CRADD: variants seen among roughly 807,000 people sequenced by gnomAD.
CRADD encodes the protein death domain-containing protein CRADD.
A neutral mutation model predicts 15.5 loss-of-function variants in CRADD; 9 were observed. The observed-to-expected ratio is 0.58, with a 90% CI of 0.35 to 1.01. CRADD has a LOEUF of 1.01. CRADD is among the 50% of genes least tolerant of loss of function. The probability of loss-of-function intolerance (pLI) is 0.02; values close to 1 mark genes in which losing one functional copy is unlikely to be tolerated. For missense variants in CRADD, 227 were observed against 250.3 expected, an observed-to-expected ratio of 0.91 and a Z score of 0.63; for synonymous variants, 118 against 107.6, an observed-to-expected ratio of 1.10 and a Z score of -0.60.
intron 2 of CRADD, chr12:93,846,586 A>ACACACACACACGCG (rs1209152757): frequency 7.4e-6 from 1 of 135,252 alleles, no homozygotes; most frequent in Admixed American, 7.2e-5. Context: ...ACCAGAACAC[A>ACACACACACACGCG]CACACACACA....
intron 2 of CRADD, among the ~76,000 whole-genome samples, chr12:93,825,846 G>A (rs1294074743): frequency 2.0e-5 from 3 of 152,174 alleles, no homozygotes; most frequent in Non-Finnish European, 4.4e-5. Context: ...CAGGCATATC[G>A]GCAACATGGC....
chr12:93,827,235 C>T (rs1004002484), intron 2 of CRADD, among the ~76,000 whole-genome samples: 3 of 152,180 alleles, frequency 2.0e-5, no homozygotes, highest in Non-Finnish European at 2.9e-5. Flanking sequence ...CCCATCACCC[C>T]CATCTCCAGG....
At chr12:93,726,800 C>T (rs1243124676) in intron 2 of CRADD, among the ~76,000 whole-genome samples, 1 of 151,938 alleles carries the variant, frequency 6.6e-6, no homozygotes, top group Non-Finnish European at 1.5e-5. Context: ...GACGGATATA[C>T]AAGATGGTGT....
chr12:93,785,881 G>A (rs143946314), intron 2 of CRADD, among the ~76,000 whole-genome samples: 6 of 152,302 alleles, frequency 3.9e-5, no homozygotes, highest in Non-Finnish European at 8.8e-5. Context: ...CCATAAAGTC[G>A]TGTACTTGAT....
At chr12:93,799,088 G>A (rs1406211960) in intron 2 of CRADD, among the ~76,000 whole-genome samples, 1 of 152,056 alleles carries the variant, frequency 6.6e-6, no homozygotes, top group Non-Finnish European at 1.5e-5. Flanking sequence ...GGTAACTTTG[G>A]TTTCCTTATA....
chr12:93,742,008 A>G (rs1956676408), intron 2 of CRADD, among the ~76,000 whole-genome samples: 1 of 152,064 alleles, frequency 6.6e-6, no homozygotes, highest in Admixed American at 6.5e-5. Context: ...AAAGTTCTCG[A>G]CTGTAATGCA....
At chr12:93,875,362 G>A (rs7306328) in intron 2 of CRADD, among the ~76,000 whole-genome samples, 89,991 of 151,562 alleles carry the variant, frequency 0.59, 26,816 homozygotes, top group East Asian at 0.64. Context: ...CATCCAGTCT[G>A]TGTCTTTTGA....
intron 2 of CRADD, among the ~76,000 whole-genome samples, chr12:93,802,399 G>A (rs1957485777): frequency 6.6e-6 from 1 of 152,262 alleles, no homozygotes; most frequent in Admixed American, 6.5e-5. Context: ...TTTTAAATCA[G>A]GGCTCTCTGA....
downstream of CRADD, among the ~76,000 whole-genome samples, chr12:93,851,124 G>T (rs1236744689): frequency 6.6e-6 from 1 of 152,196 alleles, no homozygotes; most frequent in Admixed American, 6.5e-5. Flanking sequence ...GTATGATTTA[G>T]TCTTCTGTCC....
At chr12:93,882,914 A>G (rs1401262884) in intron 2 of CRADD, among the ~76,000 whole-genome samples, 1 of 151,792 alleles carries the variant, frequency 6.6e-6, no homozygotes, top group Non-Finnish European at 1.5e-5. Flanking sequence ...TTTCCTTTCC[A>G]TTCTGTGATT....
chr12:93,857,318 A>G (rs1165250710), intron 2 of CRADD, among the ~76,000 whole-genome samples: 3 of 152,208 alleles, frequency 2.0e-5, no homozygotes, highest in Admixed American at 6.5e-5. Flanking sequence ...CTGGTGACGT[A>G]TAACCTCCTA....
intron 2 of CRADD, among the ~76,000 whole-genome samples, chr12:93,848,107 A>G (rs894970861): frequency 6.6e-6 from 1 of 151,836 alleles, no homozygotes; most frequent in Non-Finnish European, 1.5e-5. Flanking sequence ...ATAGCGGGAT[A>G]TTGGATGATT....
intron 2 of CRADD, among the ~76,000 whole-genome samples, chr12:93,703,672 A>G (rs902507214): frequency 1.1e-4 from 17 of 151,810 alleles, no homozygotes; most frequent in African/African-American, 3.6e-4. Flanking sequence ...TCTTTTTTTA[A>G]AAAATAATTT....
intron 2 of CRADD, among the ~76,000 whole-genome samples, chr12:93,858,409 G>A (rs1039690891): frequency 6.6e-6 from 1 of 152,220 alleles, no homozygotes; most frequent in Admixed American, 6.5e-5. Flanking sequence ...CAATTAGCCA[G>A]TTCCTACAAC....
chr12:93,894,133 T>C lies in CRADD; in HGVS notation c.*16T>C, dbSNP rs12825682. ...GAGATTCTGAACTGGCATCTTCCTCTCTCTGCCATCACCCCAGACCCTACC... is the reference window on the plus strand; with the variant it reads ...GAGATTCTGAACTGGCATCTTCCTCCCTCTGCCATCACCCCAGACCCTACC... On this transcript the variant is annotated 3_prime_UTR_variant, in exon 3 of 3. Coordinates refer to the CRADD transcript ENST00000548483. 4.3e-6 allele frequency: 3 copies of C among 702,482 alleles called. No homozygotes were observed. The South Asian group carries it at 4.4e-5, about 10-fold the overall frequency. The allele number at this position is 702,482 out of a possible 1,614,324, so 43.5% of individuals were successfully genotyped here.
chr12:93,744,318 A>G (rs1386073318), intron 2 of CRADD, among the ~76,000 whole-genome samples: 1 of 152,206 alleles, frequency 6.6e-6, no homozygotes, highest in Non-Finnish European at 1.5e-5. Context: ...GGAGAGCACT[A>G]ACTGCTGGCT....
At chr12:93,716,610 T>A (rs908437553) in intron 2 of CRADD, among the ~76,000 whole-genome samples, 1 of 152,206 alleles carries the variant, frequency 6.6e-6, no homozygotes, top group Non-Finnish European at 1.5e-5. Context: ...TAGACTACTA[T>A]ATCGTTGGAA....
intron 2 of CRADD, among the ~76,000 whole-genome samples, chr12:93,829,467 T>C (rs1207343686): frequency 6.6e-6 from 1 of 152,170 alleles, no homozygotes; most frequent in Non-Finnish European, 1.5e-5. Context: ...AGGATGAGGA[T>C]GGCTCTGGTG....
At position 93,695,275 on chromosome 12, in the gene CRADD, G is replaced by A. The variant is rs537907399; in HGVS notation, c.298+16203G>A. ...ACAACTGGATATGCAGAAGAATTTA[G>A]ACCCTCATCTCACACCATGTATAAA... On this transcript the variant is annotated intron_variant, in intron 2 of 2. Coordinates refer to ENST00000332896, the MANE Select transcript of CRADD (RefSeq NM_003805.5). Among the ~76,000 whole-genome samples the A allele has an allele frequency of 4.6e-5, 7 of 152,276 alleles. No individual in the cohort carries two copies. In the East Asian group the frequency reaches 1.2e-3, roughly 25 times the overall value.
Sources: allele counts gnomAD v4.1 joint callset (sites outside exome capture counted in the v4.1 genomes callset), GRCh38; gene constraint gnomAD v4.1.1; transcripts MANE v1.5; gene names NCBI Gene and HGNC (gene_info 2026-07-23, HGNC 2026-07-21).